Variants in JAKMIP1 observed in about 807,000 individuals in gnomAD.
The protein encoded by JAKMIP1 is janus kinase and microtubule-interacting protein 1.
JAKMIP1 carries 33 observed loss-of-function variants against 113.0 expected under a neutral mutation model. The ratio of observed to expected loss-of-function variants is 0.29; its 90% CI spans 0.22 to 0.39. JAKMIP1 has a LOEUF of 0.39. JAKMIP1 is among the 10% of genes least tolerant of loss of function. The probability of loss-of-function intolerance (pLI) is 1.00; values close to 1 mark genes in which losing one functional copy is unlikely to be tolerated. For missense variants in JAKMIP1, 813 were observed against 1,080.5 expected (o/e 0.75, Z 3.47); for synonymous variants, 480 against 459.9 (o/e 1.04, Z -0.56).
At chr4:6,174,939 C>T (rs1192682296) in intron 1 of JAKMIP1, among the ~76,000 whole-genome samples, 1 of 152,308 alleles carries the variant, frequency 6.6e-6, no homozygotes. Flanking sequence ...AGTTCTGACC[C>T]GTGTCTCTTG....
rs536168185 is a variant in JAKMIP1, at chr4:6,153,345, A to AT, written c.-147-40349_-147-40348insA. ...GCAGATCTGGGTGAGAAGAGGAGCC[A>AT]CGCTGAGCATCAGGAGCCCTGGGAT... On this transcript the variant is annotated intron_variant, in intron 1 of 20. Transcript: ENST00000409021. The surrounding 1 kb of genome is among the most constrained non-coding windows in gnomAD (Gnocchi z 4.9). 4.8e-3 allele frequency among the ~76,000 whole-genome samples: 734 copies of AT among 152,328 alleles called. 2 individuals carry two copies. The highest frequency in any genetic ancestry group is 0.01 in the Middle Eastern group (3 of 294).
At chr4:6,107,996 A>T (rs1714248614) in intron 2 of JAKMIP1, among the ~76,000 whole-genome samples, 2 of 152,114 alleles carry the variant, frequency 1.3e-5, no homozygotes, top group African/African-American at 4.8e-5. Flanking sequence ...ACACAGGTAG[A>T]AAGGGGGTGA....
chr4:6,048,538 T>C (rs755274989), intron 16 of JAKMIP1, among the ~76,000 whole-genome samples: 109 of 152,336 alleles, frequency 7.2e-4, no homozygotes, highest in Non-Finnish European at 1.4e-3. Flanking sequence ...TAAAGCCTGA[T>C]GGAAAACTGG....
rs113606069 is a variant in JAKMIP1 at position 6,156,703 on chromosome 4, TTGAAGGC to T, written c.-148+43543_-148+43549del. ...TGTGGGAGCTAAAATATCTCCTTCA[TTGAAGGC>T]TGTAGGATGTACAAGAAAGGTCAGT... On this transcript the variant is annotated intron_variant, in intron 1 of 20. Coordinates refer to ENST00000409021, the MANE Select transcript of JAKMIP1 (RefSeq NM_001099433.2). The surrounding 1 kb of genome is among the most constrained non-coding windows in gnomAD (Gnocchi z 5.0). 0.035 allele frequency among the ~76,000 whole-genome samples: 5,338 copies of T among 152,306 alleles called. 193 individuals are homozygous for T. Among genetic ancestry groups the T allele is most frequent in the African/African-American group, 0.086 (3,572 of 41,548 alleles).
chr4:6,082,776 A>T (rs1180866475), intron 5 of JAKMIP1, among the ~76,000 whole-genome samples: 3 of 152,210 alleles, frequency 2.0e-5, no homozygotes, highest in African/African-American at 7.2e-5. Context: ...TGCTGAGATT[A>T]CAGGCATGTG....
intron 8 of JAKMIP1, among the ~76,000 whole-genome samples, chr4:6,070,408 C>G (rs1718793267): frequency 6.6e-6 from 1 of 152,254 alleles, no homozygotes; most frequent in African/African-American, 2.4e-5. Flanking sequence ...GGGAAGCCAG[C>G]TCCAGGGCAG....
Position 6,185,341 on chromosome 4 carries a change from G to A in JAKMIP1, c.-148+14912C>T, listed in dbSNP as rs1240821281. 1.3e-5 allele frequency among the ~76,000 whole-genome samples: 2 copies of A among 152,120 alleles called. No homozygotes were observed. The highest frequency in any genetic ancestry group is 3.9e-4 in the East Asian group (2 of 5,182). On this transcript the variant is annotated intron_variant, in intron 1 of 20. Coordinates refer to ENST00000409021, the MANE Select transcript of JAKMIP1 (RefSeq NM_001099433.2). The surrounding 1 kb of genome is among the most constrained non-coding windows in gnomAD (Gnocchi z 5.3). Reference sequence around the variant, plus strand: ...GAGAGTGTATTGGAATTGCTCCGAGGGCTCATTAAAAGCCAGACCCCAGGG... The same window carrying A: ...GAGAGTGTATTGGAATTGCTCCGAGAGCTCATTAAAAGCCAGACCCCAGGG...
At chr4:6,079,820 A>C (rs941079564) in intron 7 of JAKMIP1, among the ~76,000 whole-genome samples, 18 of 150,904 alleles carry the variant, frequency 1.2e-4, no homozygotes, top group South Asian at 4.1e-4. Flanking sequence ...AACCAACCAA[A>C]CAAACAAAAA....
chr4:6,038,898 C>A, intron 18 of JAKMIP1, among the ~76,000 whole-genome samples: 1 of 152,238 alleles, frequency 6.6e-6, no homozygotes, highest in East Asian at 1.9e-4. Flanking sequence ...TGTGGGCCTG[C>A]CCCGCCTCAC....
chr4:6,061,985 G>T lies in JAKMIP1; in HGVS notation c.1560+327C>A. Among the ~76,000 whole-genome samples, 1 of 152,204 alleles carries T rather than the reference G, an allele frequency of 6.6e-6. No homozygotes were observed. The highest frequency in any genetic ancestry group is 1.9e-4 in the East Asian group (1 of 5,192). On this transcript the variant is annotated intron_variant, in intron 10 of 20. Transcript: ENST00000409021. The surrounding 1 kb of genome is among the most constrained non-coding windows in gnomAD (Gnocchi z 5.3). ...GGGGCTGGCAGCCCTGGAGGGAGCG[G>T]AGCCTGAAGCCTGCAAGCCAGCCAA...
chr4:6,029,349 A>C (rs1383607048), intron 20 of JAKMIP1, among the ~76,000 whole-genome samples: 1 of 152,336 alleles, frequency 6.6e-6, no homozygotes, highest in Non-Finnish European at 1.5e-5. Flanking sequence ...AAAGTGAATG[A>C]GTCCATGGAG....
chr4:6,066,187 T>C (rs1007864786), intron 8 of JAKMIP1, among the ~76,000 whole-genome samples: 2 of 151,966 alleles, frequency 1.3e-5, no homozygotes, highest in Non-Finnish European at 2.9e-5. Flanking sequence ...ACTCCCCACA[T>C]ACTAAGGGCC....
chr4:6,141,265 G>A lies in JAKMIP1; in HGVS notation c.-147-28268C>T, dbSNP rs567802895. 8.6e-5 allele frequency among the ~76,000 whole-genome samples: 13 copies of A among 151,978 alleles called. No individual in the cohort carries two copies. Among genetic ancestry groups the A allele is most frequent in the South Asian group, 4.2e-4 (2 of 4,814 alleles). On this transcript the variant is annotated intron_variant, in intron 1 of 20. Transcript: ENST00000409021. This position sits in a 1 kb window ranked among gnomAD's most constrained non-coding sequence, Gnocchi z 9.4. The stretch of plus-strand genomic sequence containing the variant: ...AGCCTGGCCAACATGGCGAAACCCC[G>A]TCTCTATTAAAAATACAAAAATTAG...
intron 3 of JAKMIP1, among the ~76,000 whole-genome samples, chr4:6,090,595 A>AT (rs1384254916): frequency 6.6e-6 from 1 of 152,260 alleles, no homozygotes; most frequent in South Asian, 2.1e-4. Flanking sequence ...AAACTAGAAC[A>AT]TCACTGTCCC....
rs1391680841 is a variant in JAKMIP1 at position 6,141,800 on chromosome 4, A to G, written c.-147-28803T>C. Among the ~76,000 whole-genome samples the G allele has an allele frequency of 1.3e-5, 2 of 152,198 alleles. No homozygotes were observed. Among genetic ancestry groups the G allele is most frequent in the Non-Finnish European group, 2.9e-5 (2 of 68,046 alleles). On this transcript the variant is annotated intron_variant, in intron 1 of 20. Transcript: ENST00000409021. This position sits in a 1 kb window ranked among gnomAD's most constrained non-coding sequence, Gnocchi z 9.4. ...CCACTCTTCGGCAACCTCCCTGGCC[A>G]CTGAGCAGCCCGGTGGGAGCGGAAG...
chr4:6,182,504 T>A (rs541325067), intron 1 of JAKMIP1, among the ~76,000 whole-genome samples: 1 of 151,698 alleles, frequency 6.6e-6, no homozygotes, highest in Non-Finnish European at 1.5e-5. Context: ...CTCTCCACCA[T>A]GCGAGGGCAC....
intron 1 of JAKMIP1, among the ~76,000 whole-genome samples, chr4:6,119,362 T>G (rs759134009): frequency 6.6e-6 from 1 of 151,912 alleles, no homozygotes. Flanking sequence ...TGACCCAACA[T>G]GAAGAAACCC....
chr4:6,045,323 T>C (rs1304432382), intron 16 of JAKMIP1, among the ~76,000 whole-genome samples: 2 of 152,166 alleles, frequency 1.3e-5, no homozygotes, highest in African/African-American at 4.8e-5. Flanking sequence ...CCCTCCAATG[T>C]CTCATGGTTC....
chr4:6,104,187 A>G (rs1430531150), intron 3 of JAKMIP1, among the ~76,000 whole-genome samples: 1 of 152,234 alleles, frequency 6.6e-6, no homozygotes, highest in East Asian at 1.9e-4. Flanking sequence ...CAGTTGTGGA[A>G]TAGAGTGCTC....
Sources: allele counts gnomAD v4.1 joint callset (sites outside exome capture counted in the v4.1 genomes callset), GRCh38; gene constraint gnomAD v4.1.1; non-coding constraint Gnocchi (gnomAD v3.1); transcripts MANE v1.5; gene names NCBI Gene and HGNC (gene_info 2026-07-23, HGNC 2026-07-21).